RABGAP1L: variants seen among roughly 807,000 people sequenced by gnomAD.
The protein encoded by RABGAP1L is rab GTPase-activating protein 1-like.
Under a neutral mutation model 137.7 loss-of-function variants are expected in RABGAP1L, and 63 were observed. That is an observed-to-expected ratio of 0.46 (90% CI 0.37 to 0.56). The LOEUF is 0.56. Ranked by LOEUF, RABGAP1L falls within the 20% of genes least tolerant of loss-of-function variation. RABGAP1L has a pLI of 0.00. For missense variants in RABGAP1L, 1,095 were observed against 1,244.0 expected (o/e 0.88, Z 1.80); for synonymous variants, 431 against 433.7 (o/e 0.99, Z 0.08).
intron 13 of RABGAP1L, among the ~76,000 whole-genome samples, chr1:174,558,336 G>C (rs1006944764): frequency 6.6e-6 from 1 of 152,136 alleles, no homozygotes; most frequent in African/African-American, 2.4e-5. Context: ...TCTTTGTGCT[G>C]TTTTATAGCT....
intron 10 of RABGAP1L, among the ~76,000 whole-genome samples, chr1:174,285,294 G>A (rs12119034): frequency 0.03 from 4,548 of 152,190 alleles, 117 homozygotes; most frequent in Middle Eastern, 0.092. Context: ...TAGGATTACC[G>A]GCATGAGCCA....
chr1:174,357,610 A>G (rs567798889), intron 11 of RABGAP1L, among the ~76,000 whole-genome samples: 1 of 152,228 alleles, frequency 6.6e-6, no homozygotes, highest in African/African-American at 2.4e-5. Flanking sequence ...TATATGTATT[A>G]TAGTAGAAGT....
chr1:174,241,720 T>G, intron 5 of RABGAP1L, 63 bp downstream of exon 5: 5 of 1,263,796 alleles, frequency 4.0e-6, no homozygotes, highest in Non-Finnish European at 4.4e-6. Flanking sequence ...TTTTGAGCTC[T>G]AATTTCACTG....
chr1:174,729,371 A>C (rs931833507), intron 17 of RABGAP1L, among the ~76,000 whole-genome samples: 12 of 152,320 alleles, frequency 7.9e-5, no homozygotes, highest in Middle Eastern at 3.4e-3. Flanking sequence ...AACTATAAGA[A>C]TCCTAGAAGA....
chr1:174,586,963 T>C (rs933644800), intron 13 of RABGAP1L, among the ~76,000 whole-genome samples: 4 of 151,974 alleles, frequency 2.6e-5, no homozygotes. Flanking sequence ...GTGTTCTCAT[T>C]GTTCAATTCC....
At chr1:174,337,970 A>G (rs1009846577) in intron 11 of RABGAP1L, among the ~76,000 whole-genome samples, 2 of 152,210 alleles carry the variant, frequency 1.3e-5, no homozygotes, top group African/African-American at 4.8e-5. Context: ...ACTGTGAAAC[A>G]TTGCAGTTTG....
At chr1:174,953,050 AAAG>A (rs66919483) in intron 19 of RABGAP1L, among the ~76,000 whole-genome samples, 1,992 of 151,358 alleles carry the variant, frequency 0.013, 15 homozygotes, top group Non-Finnish European at 0.021. Flanking sequence ...AAAAAAAAAA[AAAG>A]AACTAATGCA....
intron 12 of RABGAP1L, among the ~76,000 whole-genome samples, chr1:174,388,178 T>C (rs981792309): frequency 6.6e-6 from 1 of 152,076 alleles, no homozygotes; most frequent in Non-Finnish European, 1.5e-5. Context: ...GAGGATACAG[T>C]ATATATGCTC....
At chr1:174,239,676 T>C (rs911217061) in intron 4 of RABGAP1L, among the ~76,000 whole-genome samples, 1 of 152,194 alleles carries the variant, frequency 6.6e-6, no homozygotes, top group Non-Finnish European at 1.5e-5. Context: ...ATAGTTTCTT[T>C]ATATTTTTCC....
At chr1:174,515,806 G>A (rs907757054) in intron 13 of RABGAP1L, among the ~76,000 whole-genome samples, 5 of 151,944 alleles carry the variant, frequency 3.3e-5, no homozygotes, top group African/African-American at 7.2e-5. Flanking sequence ...CCTTATTGCC[G>A]ATAATGGTGG....
At chr1:174,394,296 A>C (rs1346410227) in intron 13 of RABGAP1L, 151 bp downstream of exon 13, 9 of 852,700 alleles carry the variant, frequency 1.1e-5, no homozygotes, top group Non-Finnish European at 1.6e-5. Flanking sequence ...TGTTCTGAAC[A>C]CTTGTAGTGG....
intron 4 of RABGAP1L, among the ~76,000 whole-genome samples, chr1:174,234,241 C>A (rs1418854442): frequency 9.5e-6 from 1 of 104,792 alleles, no homozygotes; most frequent in African/African-American, 5.7e-5. Flanking sequence ...ATGGTAGTTT[C>A]TTTTGCTGTG....
chr1:174,400,873 G>A lies in RABGAP1L; in HGVS notation c.1710+6728G>A, dbSNP rs565992683. Among the ~76,000 whole-genome samples the A allele has an allele frequency of 3.9e-5, 6 of 152,218 alleles. No homozygotes were observed. In the South Asian group the frequency reaches 1.2e-3, roughly 32 times the overall value. On this transcript the variant is annotated intron_variant, in intron 13 of 25. Transcript: ENST00000681986. ...CATAGAATAGGGCCGGGATTACAATGTGGAACAATTATACTTTATATGGTC... is the reference window on the plus strand; with the variant it reads ...CATAGAATAGGGCCGGGATTACAATATGGAACAATTATACTTTATATGGTC...
chr1:174,564,850 G>T lies in RABGAP1L; in HGVS notation c.1711-72525G>T, dbSNP rs539700028. On this transcript the variant is annotated intron_variant, in intron 13 of 25. Coordinates refer to ENST00000681986, the MANE Select transcript of RABGAP1L (RefSeq NM_001366446.1). ...AAATTGTTTTAAAAGTAGTATACCT[G>T]AATAAGGTGGGCCACCCTGAACACA... Among the ~76,000 whole-genome samples, 41 of 152,208 alleles carry T rather than the reference G, an allele frequency of 2.7e-4. 1 individual carries two copies. The highest frequency in any genetic ancestry group is 5.4e-4 in the Non-Finnish European group (37 of 68,002).
intron 19 of RABGAP1L, among the ~76,000 whole-genome samples, chr1:174,890,494 T>C (rs970979133): frequency 6.6e-6 from 1 of 152,236 alleles, no homozygotes; most frequent in Admixed American, 6.5e-5. Flanking sequence ...TTCATAAAGA[T>C]GTAGACACTT....
intron 11 of RABGAP1L, among the ~76,000 whole-genome samples, chr1:174,366,255 G>C (rs947546439): frequency 2.0e-5 from 3 of 152,156 alleles, no homozygotes; most frequent in Admixed American, 6.5e-5. Flanking sequence ...AATCCAAACA[G>C]TATACCTAGG....
chr1:174,299,626 C>G (rs1677471930), intron 10 of RABGAP1L, among the ~76,000 whole-genome samples: 1 of 152,190 alleles, frequency 6.6e-6, no homozygotes, highest in Non-Finnish European at 1.5e-5. Flanking sequence ...ATACCTTACT[C>G]AATTATTAAA....
chr1:174,414,239 T>C (rs996212613), intron 13 of RABGAP1L, among the ~76,000 whole-genome samples: 1 of 152,142 alleles, frequency 6.6e-6, no homozygotes, highest in African/African-American at 2.4e-5. Flanking sequence ...CAAAAAATTT[T>C]CCAATACAGT....
At chr1:174,223,454 A>G (rs1669928502) in intron 3 of RABGAP1L, among the ~76,000 whole-genome samples, 1 of 150,844 alleles carries the variant, frequency 6.6e-6, no homozygotes, top group African/African-American at 2.4e-5. Context: ...AAAAAAAAAA[A>G]AAAAAAAAGA....
Sources: allele counts gnomAD v4.1 joint callset (sites outside exome capture counted in the v4.1 genomes callset), GRCh38; gene constraint gnomAD v4.1.1; transcripts MANE v1.5; gene names NCBI Gene and HGNC (gene_info 2026-07-23, HGNC 2026-07-21).